POLD4: variants seen among roughly 807,000 people sequenced by gnomAD.
POLD4 encodes DNA polymerase delta subunit 4.
A neutral mutation model predicts 16.5 loss-of-function variants in POLD4; 9 were observed. The observed-to-expected ratio is 0.55, with a 90% CI of 0.33 to 0.95. The LOEUF is 0.95. Ranked by LOEUF, POLD4 falls within the 40% of genes least tolerant of loss-of-function variation. The pLI is 0.03. For missense variants in POLD4, 129 were observed against 139.7 expected, an observed-to-expected ratio of 0.92 and a Z score of 0.39; for synonymous variants, 62 against 57.6, an observed-to-expected ratio of 1.08 and a Z score of -0.35.
At position 67,353,521 on chromosome 11, in the gene POLD4, A is replaced by T. The variant is rs1861926058; in HGVS notation, c.-122T>A. The T allele has an allele frequency of 1.4e-5, 11 of 808,634 alleles. No individual in the cohort carries two copies. In the East Asian group the frequency reaches 2.8e-4, roughly 20 times the overall value. 50.1% of individuals were successfully genotyped at this position (808,634 alleles called of 1,614,324 possible). ...GGGGCCAGGCCAGCGGCGGGCAGAC[A>T]AGATGACCCAGACAAACCGAGAGAG... On this transcript the variant is annotated 5_prime_UTR_variant, in exon 1 of 4. Coordinates refer to ENST00000312419, the MANE Select transcript of POLD4 (RefSeq NM_021173.5).
intron 2 of POLD4, 50 bp from the exon 3 acceptor site, chr11:67,352,852 G>A (rs774821095): frequency 1.3e-6 from 2 of 1,486,464 alleles, no homozygotes; most frequent in Admixed American, 3.7e-5. Flanking sequence ...GTGGGGTAGA[G>A]TCTGAGCTGG....
Position 67,353,459 on chromosome 11 carries a change from G to A in POLD4, c.-60C>T. On this transcript the variant is annotated 5_prime_UTR_variant, in exon 1 of 4. Transcript: ENST00000312419. Reference sequence around the variant, plus strand: ...TGCGGGGAAGAGGAGAGACCGGCCAGTGGGCGCGAGAAAGACAGCTGCTGA... The same window carrying A: ...TGCGGGGAAGAGGAGAGACCGGCCAATGGGCGCGAGAAAGACAGCTGCTGA... 1.4e-6 allele frequency: 2 copies of A among 1,452,834 alleles called. No homozygotes were observed. The highest frequency in any genetic ancestry group is 1.9e-6 in the Non-Finnish European group (2 of 1,055,774). The allele number at this position is 1,452,834 out of a possible 1,614,324, so 90.0% of individuals were successfully genotyped here. A position where few individuals can be genotyped will look rare whatever the true frequency, so the allele number is the denominator to read the frequency against.
intron 2 of POLD4, 26 bp downstream of exon 2, chr11:67,352,962 C>A: frequency 6.6e-7 from 1 of 1,525,082 alleles, no homozygotes; most frequent in East Asian, 2.4e-5. Context: ...GGAGAGGCGC[C>A]TCCGTGGGGC....
intron 3 of POLD4, 51 bp downstream of exon 3, chr11:67,352,640 G>A (rs1277507822): frequency 3.5e-6 from 5 of 1,412,064 alleles, no homozygotes; most frequent in African/African-American, 1.4e-5. Context: ...GGGTGACAGT[G>A]CCTGGAGAAG....
Position 67,351,886 on chromosome 11 carries a change from TC to T in POLD4, c.*108del. 8.1e-7 allele frequency: 1 copy of T among 1,237,576 alleles called. No homozygotes were observed. The highest frequency in any genetic ancestry group is 1.1e-6 in the Non-Finnish European group (1 of 869,774). 76.7% of individuals were successfully genotyped at this position (1,237,576 alleles called of 1,614,324 possible). A position where few individuals can be genotyped will look rare whatever the true frequency, so the allele number is the denominator to read the frequency against. ...CCTCCAGGTTCTGCCTGCCAAGGGT[TC>T]CTCCGCAGCCGGGCTGAGCTGAGCA... On this transcript the variant is annotated 3_prime_UTR_variant, in exon 4 of 4. Coordinates refer to ENST00000312419, the MANE Select transcript of POLD4 (RefSeq NM_021173.5). The surrounding 1 kb of genome is among the most constrained non-coding windows in gnomAD (Gnocchi z 4.8).
intron 2 of POLD4, 80 bp from the exon 3 acceptor site, chr11:67,352,882 G>GA: frequency 7.3e-7 from 1 of 1,361,010 alleles, no homozygotes; most frequent in East Asian, 2.4e-5. Context: ...GTGTTGGGGG[G>GA]AGACAGTTCC....
At chr11:67,352,874 G>T in intron 2 of POLD4, 72 bp from the exon 3 acceptor site, 1 of 1,381,592 alleles carries the variant, frequency 7.2e-7, no homozygotes, top group Non-Finnish European at 1.0e-6. Context: ...GAATGTGTGT[G>T]TTGGGGGGAG....
chr11:67,352,134 T>C (rs1207859029), intron 3 of POLD4, 115 bp from the exon 4 acceptor site: 7 of 856,100 alleles, frequency 8.2e-6, no homozygotes, highest in Admixed American at 6.4e-5. Context: ...GCCATGCCCA[T>C]AGTCCTTGGG....
rs1245192120 is a variant in POLD4, at chr11:67,353,290, A to AGGTC, written c.97+12_97+13insGACC. 6.2e-7 allele frequency: 1 copy of AGGTC among 1,607,006 alleles called. No individual in the cohort carries two copies. Among genetic ancestry groups the AGGTC allele is most frequent in the Non-Finnish European group, 8.5e-7 (1 of 1,177,942 alleles). On this transcript the variant is annotated intron_variant, in intron 1 of 3. Coordinates refer to ENST00000312419, the MANE Select transcript of POLD4 (RefSeq NM_021173.5). ...CGTGTCCACTCCTCCTGCCTCCCTC[A>AGGTC]CACCTCAGAGACCTAGCTCGGGTGC...
At chr11:67,352,325 A>C in intron 3 of POLD4, 1 of 354,646 alleles carries the variant, frequency 2.8e-6, no homozygotes, top group South Asian at 3.6e-5. Context: ...CCTGGCTAAC[A>C]CGGTGAAACC....
chr11:67,353,543 A>G lies in POLD4; in HGVS notation c.-144T>C, dbSNP rs1184533351. ...GACAAGATGACCCAGACAAACCGAG[A>G]GAGGAAGTCGCCGGGGTCCAGGGAG... On this transcript the variant is annotated 5_prime_UTR_variant, in exon 1 of 4. Coordinates refer to ENST00000312419, the MANE Select transcript of POLD4 (RefSeq NM_021173.5). 4.5e-6 allele frequency: 3 copies of G among 667,128 alleles called. No homozygotes were observed. The highest frequency in any genetic ancestry group is 3.2e-5 in the Admixed American group (1 of 31,714). 41.3% of individuals were successfully genotyped at this position (667,128 alleles called of 1,614,324 possible). A position where few individuals can be genotyped will look rare whatever the true frequency, so the allele number is the denominator to read the frequency against.
chr11:67,353,134 TC>T, intron 1 of POLD4, 57 bp from the exon 2 acceptor site: 2 of 1,521,772 alleles, frequency 1.3e-6, no homozygotes. Context: ...GCCCCTCACC[TC>T]CCAGCCTTCC....
At chr11:67,353,115 C>T (rs1040763303) in intron 1 of POLD4, 38 bp from the exon 2 acceptor site, 11 of 1,547,348 alleles carry the variant, frequency 7.1e-6, no homozygotes, top group Non-Finnish European at 7.9e-6. Flanking sequence ...AGGTTGGCTT[C>T]AGTCTCCTGC....
chr11:67,353,457 C>T lies in POLD4; in HGVS notation c.-58G>A. On this transcript the variant is annotated 5_prime_UTR_variant, in exon 1 of 4. Coordinates refer to ENST00000312419, the MANE Select transcript of POLD4 (RefSeq NM_021173.5). ...ACTGCGGGGAAGAGGAGAGACCGGCCAGTGGGCGCGAGAAAGACAGCTGCT... is the reference window on the plus strand; with the variant it reads ...ACTGCGGGGAAGAGGAGAGACCGGCTAGTGGGCGCGAGAAAGACAGCTGCT... 3 of 1,475,256 alleles carry T rather than the reference C, an allele frequency of 2.0e-6. No individual in the cohort carries two copies. The highest frequency in any genetic ancestry group is 2.3e-5 in the South Asian group (2 of 86,360). 91.4% of individuals were successfully genotyped at this position (1,475,256 alleles called of 1,614,324 possible). A position where few individuals can be genotyped will look rare whatever the true frequency, so the allele number is the denominator to read the frequency against.
chr11:67,352,862 G>C, intron 2 of POLD4, 60 bp from the exon 3 acceptor site: 1 of 1,442,486 alleles, frequency 6.9e-7, no homozygotes, highest in South Asian at 1.2e-5. Context: ...GTCTGAGCTG[G>C]AGAATGTGTG....
chr11:67,352,630 G>T, intron 3 of POLD4, 61 bp downstream of exon 3: 1 of 1,314,854 alleles, frequency 7.6e-7, no homozygotes, highest in Non-Finnish European at 1.1e-6. Flanking sequence ...CAGGACAGCA[G>T]GGTGACAGTG....
Position 67,352,029 on chromosome 11 carries a change from A to G in POLD4, c.300-10T>C, listed in dbSNP as rs1212366505. On this transcript the variant is annotated splice_polypyrimidine_tract_variant and intron_variant, in intron 3 of 3. Transcript: ENST00000312419. ...ATAGAGATGCCAGAGACTGTGGAAG[A>G]TGGGGTGGGAGGGAGGGATACCCCA... The G allele has an allele frequency of 6.1e-6, 3 of 488,596 alleles. No homozygotes were observed. The highest frequency in any genetic ancestry group is 2.4e-5 in the African/African-American group (1 of 41,616). 30.3% of individuals were successfully genotyped at this position (488,596 alleles called of 1,614,324 possible).
At chr11:67,353,177 C>T (rs1332809323) in intron 1 of POLD4, 100 bp from the exon 2 acceptor site, 3 of 1,501,446 alleles carry the variant, frequency 2.0e-6, no homozygotes, top group South Asian at 2.3e-5. Flanking sequence ...CACCCCGCAG[C>T]TAGACCTGGT....
intron 1 of POLD4, 98 bp from the exon 2 acceptor site, chr11:67,353,175 A>T: frequency 6.7e-7 from 1 of 1,498,352 alleles, no homozygotes; most frequent in South Asian, 1.2e-5. Flanking sequence ...GCCACCCCGC[A>T]GCTAGACCTG....
Sources: gnomAD v4.1 joint callset for allele counts on GRCh38, gnomAD v4.1.1 for gene constraint, Gnocchi (gnomAD v3.1) non-coding constraint, MANE v1.5 for transcripts, NCBI Gene and HGNC (gene_info 2026-07-23, HGNC 2026-07-21) for gene names.